Variants in NSUN7 observed in about 807,000 individuals in gnomAD.
NSUN7 encodes the protein protein NSUN7.
NSUN7 carries 39 observed loss-of-function variants against 58.5 expected under a neutral mutation model. The observed-to-expected ratio is 0.67, with a 90% confidence interval of 0.52 to 0.87. The LOEUF is 0.87. NSUN7 is among the 40% of genes least tolerant of loss of function. NSUN7 has a pLI of 0.00. For synonymous variants in NSUN7, 278 were observed against 303.7 expected, an observed-to-expected ratio of 0.92 and a Z score of 0.88; for missense variants, 765 against 844.1, an observed-to-expected ratio of 0.91 and a Z score of 1.16.
At position 40,776,826 on chromosome 4, in the gene NSUN7, A is replaced by G. The variant is rs1742293895; in HGVS notation, c.1036+567A>G. Reference sequence around the variant, plus strand: ...AGCCAAGGTTTTGCAGTGTTGCTCAAGCTAATCTCAAACTCCTGGGCTCAA... The same window carrying G: ...AGCCAAGGTTTTGCAGTGTTGCTCAGGCTAATCTCAAACTCCTGGGCTCAA... On this transcript the variant is annotated intron_variant, in intron 7 of 11. Coordinates refer to ENST00000381782, the MANE Select transcript of NSUN7 (RefSeq NM_024677.6). Among the ~76,000 whole-genome samples, 2 of 152,088 alleles carry G rather than the reference A, an allele frequency of 1.3e-5. 1 individual carries two copies. The highest frequency in any genetic ancestry group is 4.2e-4 in the South Asian group (2 of 4,818).
chr4:40,757,550 T>A (rs1164195387), intron 2 of NSUN7, among the ~76,000 whole-genome samples: 1 of 142,662 alleles, frequency 7.0e-6, no homozygotes, highest in African/African-American at 2.8e-5. Context: ...TATATATATA[T>A]AAAAATTATA....
intron 4 of NSUN7, among the ~76,000 whole-genome samples, chr4:40,772,735 T>C (rs1742072312): frequency 1.3e-5 from 2 of 152,164 alleles, no homozygotes; most frequent in African/African-American, 2.4e-5. Context: ...TTGTCCTGGC[T>C]CCCAGCATTC....
At chr4:40,755,492 A>T (rs1280999133) in intron 2 of NSUN7, among the ~76,000 whole-genome samples, 3 of 152,166 alleles carry the variant, frequency 2.0e-5, no homozygotes, top group Non-Finnish European at 4.4e-5. Flanking sequence ...GAAATTGCTT[A>T]TCTTTTTCCT....
In NSUN7 at chr4:40,810,676, ATTC is replaced by A. The variant is rs1228533909; in HGVS notation, c.*1741_*1743del. On this transcript the variant is annotated 3_prime_UTR_variant, in exon 12 of 12. Coordinates refer to ENST00000381782, the MANE Select transcript of NSUN7 (RefSeq NM_024677.6). ...TTGTATTTTAAATCCCTGAAGAAGA[ATTC>A]TTCATGTTATCACTCTTGTACAGAA... is the stretch of plus-strand genomic sequence containing the variant. 2.0e-5 allele frequency: 3 copies of A among 152,056 alleles called. No homozygotes were observed. The highest frequency in any genetic ancestry group is 4.4e-5 in the Non-Finnish European group (3 of 68,000). The allele number at this position is 152,056 out of a possible 1,614,324, so 9.4% of individuals were successfully genotyped here. A position where few individuals can be genotyped will look rare whatever the true frequency, so the allele number is the denominator to read the frequency against.
chr4:40,782,597 G>A lies in NSUN7; in HGVS notation c.1036+6338G>A, dbSNP rs575777787. On this transcript the variant is annotated intron_variant, in intron 7 of 11. Coordinates refer to ENST00000381782, the MANE Select transcript of NSUN7 (RefSeq NM_024677.6). ...AAAAGAGAAATTAGGGCCGGGTGCAGTGGCTCACATCCGTAATCTCAGCAC... is the reference window on the plus strand; with the variant it reads ...AAAAGAGAAATTAGGGCCGGGTGCAATGGCTCACATCCGTAATCTCAGCAC... Among the ~76,000 whole-genome samples the A allele has an allele frequency of 6.6e-5, 10 of 151,950 alleles. No individual in the cohort carries two copies. In the South Asian group the frequency reaches 1.9e-3, roughly 28 times the overall value.
At chr4:40,786,660 T>C in intron 7 of NSUN7, 3 of 1,583,870 alleles carry the variant, frequency 1.9e-6, no homozygotes, top group Non-Finnish European at 1.7e-6. Flanking sequence ...AGAAACTACA[T>C]GATATGATCA....
chr4:40,774,154 A>ATAGAATTG, intron 4 of NSUN7, 111 bp from the exon 5 acceptor site: 3 of 1,000,062 alleles, frequency 3.0e-6, no homozygotes, highest in Non-Finnish European at 4.5e-6. Context: ...AAAATTTGAA[A>ATAGAATTG]TAGAATTGTT....
chr4:40,774,530 A>C, intron 5 of NSUN7, 113 bp downstream of exon 5: 1 of 1,016,754 alleles, frequency 9.8e-7, no homozygotes, highest in Admixed American at 2.4e-5. Flanking sequence ...GGGAGTGATT[A>C]GGGAATCAGA....
At chr4:40,762,373 A>G (rs1471804183) in intron 4 of NSUN7, among the ~76,000 whole-genome samples, 2 of 152,194 alleles carry the variant, frequency 1.3e-5, no homozygotes, top group Non-Finnish European at 2.9e-5. Flanking sequence ...ATAAGTGAAT[A>G]ATCTGATTGT....
chr4:40,775,928 C>T lies in NSUN7; in HGVS notation c.826-121C>T. ...TTAGACATATATTAAGATGTTAAAA[C>T]TAAAATTGGTTAGGTCTCTAATATT... On this transcript the variant is annotated intron_variant, in intron 6 of 11. Transcript: ENST00000381782. The surrounding 1 kb of genome is among the most constrained non-coding windows in gnomAD (Gnocchi z 4.3). 1.8e-6 allele frequency: 1 copy of T among 555,208 alleles called. No homozygotes were observed. Among genetic ancestry groups the T allele is most frequent in the East Asian group, 3.0e-5 (1 of 33,756 alleles). The allele number at this position is 555,208 out of a possible 1,614,324, so 34.4% of individuals were successfully genotyped here.
rs1744088971 is a variant in NSUN7, at chr4:40,809,752, A to G, written c.*813A>G. 3 of 152,246 alleles carry G rather than the reference A, an allele frequency of 2.0e-5. No homozygotes were observed. Among genetic ancestry groups the G allele is most frequent in the Admixed American group, 6.5e-5 (1 of 15,286 alleles). 9.4% of individuals were successfully genotyped at this position (152,246 alleles called of 1,614,324 possible). On this transcript the variant is annotated 3_prime_UTR_variant, in exon 12 of 12. Coordinates refer to ENST00000381782, the MANE Select transcript of NSUN7 (RefSeq NM_024677.6). ...ATTTCTGATTCTAAGATCAGGGGAT[A>G]CAACAAAATCTACAAGTCATTTCAA...
chr4:40,764,807 G>C (rs1238418471), intron 4 of NSUN7, among the ~76,000 whole-genome samples: 1 of 152,114 alleles, frequency 6.6e-6, no homozygotes, highest in African/African-American at 2.4e-5. Context: ...TTGTGGTTTT[G>C]ATTTGCATTT....
Position 40,758,297 on chromosome 4 carries a change from T to C in NSUN7, c.299-2137T>C, listed in dbSNP as rs969423123. Among the ~76,000 whole-genome samples the C allele has an allele frequency of 3.9e-5, 6 of 152,136 alleles. No individual in the cohort carries two copies. The East Asian group carries it at 7.7e-4, about 20-fold the overall frequency. ...CCAAGTTAGAAGTCCTTCTTTCTAA[T>C]ACTGTACTTGTTGTGAAAAAAAAGT... On this transcript the variant is annotated intron_variant, in intron 2 of 11. Coordinates refer to ENST00000381782, the MANE Select transcript of NSUN7 (RefSeq NM_024677.6).
At chr4:40,804,424 G>A (rs1202580223) in intron 10 of NSUN7, among the ~76,000 whole-genome samples, 2 of 149,034 alleles carry the variant, frequency 1.3e-5, no homozygotes, top group Admixed American at 1.3e-4. Flanking sequence ...GGGTGACAGA[G>A]CAAGACTCCA....
chr4:40,786,015 CAGTT>C, intron 7 of NSUN7: 1 of 1,448,312 alleles, frequency 6.9e-7, no homozygotes. Flanking sequence ...GAGGGAAGGA[CAGTT>C]AGTCAGTCTT....
intron 2 of NSUN7, among the ~76,000 whole-genome samples, chr4:40,752,723 C>T (rs551317493): frequency 6.1e-5 from 4 of 65,114 alleles, no homozygotes; most frequent in Admixed American, 3.5e-4. Flanking sequence ...CCTGGCCCCC[C>T]ATCTCTATTT....
chr4:40,761,770 T>A (rs1741475018), intron 4 of NSUN7, among the ~76,000 whole-genome samples: 1 of 152,214 alleles, frequency 6.6e-6, no homozygotes, highest in South Asian at 2.1e-4. Flanking sequence ...CTTTTTATCC[T>A]AAATATCAGT....
At chr4:40,753,620 C>T (rs1039073890) in intron 2 of NSUN7, among the ~76,000 whole-genome samples, 2 of 152,106 alleles carry the variant, frequency 1.3e-5, no homozygotes, top group South Asian at 4.2e-4. Context: ...TTGAAACGTT[C>T]GTTTTTATAA....
At chr4:40,776,583 T>TTC (rs1161067887) in intron 7 of NSUN7, 2 of 200,742 alleles carry the variant, frequency 1.0e-5, no homozygotes, top group East Asian at 1.4e-4. Flanking sequence ...AAATAAGTGC[T>TTC]TAAGTGACAA....
Sources: allele counts gnomAD v4.1 joint callset (sites outside exome capture counted in the v4.1 genomes callset), GRCh38; gene constraint gnomAD v4.1.1; non-coding constraint Gnocchi (gnomAD v3.1); transcripts MANE v1.5; gene names NCBI Gene and HGNC (gene_info 2026-07-23, HGNC 2026-07-21).